The following KRTAP19-7 variants were observed in gnomAD, a reference collection of about 807,000 sequenced individuals.
The protein encoded by KRTAP19-7 is keratin associated protein 19-7.
For missense variants in KRTAP19-7, 76 were observed against 78.5 expected, an observed-to-expected ratio of 0.97 and a Z score of 0.12; for synonymous variants, 38 against 31.6, an observed-to-expected ratio of 1.20 and a Z score of -0.67.
chr21:30,561,119 G>C, the KRTAP19-7 span: 1 of 1,614,072 alleles, frequency 6.2e-7, no homozygotes, highest in Non-Finnish European at 8.5e-7. Flanking sequence ...CAGAAGACCA[G>C]TATCCCCCAT....
Position 30,560,894 on chromosome 21 carries a change from C to T in KRTAP19-7, c.*204G>A. On this transcript the variant is annotated 3_prime_UTR_variant, in exon 1 of 1. Transcript: ENST00000334849. ...TCTTTCTTAGAGTATAATGGCTCTC[C>T]AGCCAATAAAAAAGTGAATATCTGG... 1 of 569,180 alleles carries T rather than the reference C, an allele frequency of 1.8e-6. No individual in the cohort carries two copies. Among genetic ancestry groups the T allele is most frequent in the South Asian group, 2.2e-5 (1 of 45,882 alleles). The allele number at this position is 569,180 out of a possible 1,614,324, so 35.3% of individuals were successfully genotyped here. A position where few individuals can be genotyped will look rare whatever the true frequency, so the allele number is the denominator to read the frequency against.
In KRTAP19-7 at chr21:30,560,906, A is replaced by G. The variant is rs1220059660; in HGVS notation, c.*192T>C. 1 of 593,756 alleles carries G rather than the reference A, an allele frequency of 1.7e-6. No homozygotes were observed. The highest frequency in any genetic ancestry group is 2.9e-5 in the East Asian group (1 of 34,808). 36.8% of individuals were successfully genotyped at this position (593,756 alleles called of 1,614,324 possible). A position where few individuals can be genotyped will look rare whatever the true frequency, so the allele number is the denominator to read the frequency against. On this transcript the variant is annotated 3_prime_UTR_variant, in exon 1 of 1. Transcript: ENST00000334849. ...TATAATGGCTCTCCAGCCAATAAAA[A>G]AGTGAATATCTGGAGAACATCACTA...
the KRTAP19-7 span, chr21:30,561,275 GC>G: frequency 1.9e-6 from 3 of 1,613,982 alleles, no homozygotes; most frequent in East Asian, 6.7e-5. Context: ...CATAGTAGCT[GC>G]CGGAGTAGCT....
chr21:30,561,290 G>T lies in KRTAP19-7; in HGVS notation c.-1C>A. ...CATAGTAGCTGCCGGAGTAGCTCATGTTGTCAGAAGTGGTTAGCTGTTGTA... is the reference window on the plus strand; with the variant it reads ...CATAGTAGCTGCCGGAGTAGCTCATTTTGTCAGAAGTGGTTAGCTGTTGTA... On this transcript the variant is annotated 5_prime_UTR_variant, in exon 1 of 1. Transcript: ENST00000334849. The T allele has an allele frequency of 6.2e-7, 1 of 1,613,790 alleles. No homozygotes were observed.
Position 30,561,250 on chromosome 21 carries a change from C to A in KRTAP19-7, c.40G>T (p.Gly14Cys). 1 of 1,614,098 alleles carries A rather than the reference C, an allele frequency of 6.2e-7. No homozygotes were observed. Among genetic ancestry groups the A allele is most frequent in the South Asian group, 1.1e-5 (1 of 91,078 alleles). ...CCCAGGCCACCGAATCCTCCACAGCCGTAGCCTAGGCCTCCATAGTAGCTG... is the reference window on the plus strand; with the variant it reads ...CCCAGGCCACCGAATCCTCCACAGCAGTAGCCTAGGCCTCCATAGTAGCTG... ...SGSYYGGLGY[G>C]CGGFGGLGYG... is the part of the protein sequence containing the mutation. Residue 14 changes from glycine to cysteine, a missense_variant, in exon 1 of 1, where the codon GGC (glycine) becomes TGC (cysteine). Gly to Cys is a radical substitution (Grantham distance 159). Coordinates refer to ENST00000334849, the MANE Select transcript of KRTAP19-7 (RefSeq NM_181614.3).
At position 30,561,073 on chromosome 21, in the gene KRTAP19-7, A is replaced by G. The variant is rs755667965; in HGVS notation, c.*25T>C. On this transcript the variant is annotated 3_prime_UTR_variant, in exon 1 of 1. Coordinates refer to ENST00000334849, the MANE Select transcript of KRTAP19-7 (RefSeq NM_181614.3). ...TTCTTGGAAGAATTGGGAATCTCAC[A>G]GAAGACTATATTTCAAGTATTTATT... 6.2e-6 allele frequency: 10 copies of G among 1,607,970 alleles called. No individual in the cohort carries two copies. The highest frequency in any genetic ancestry group is 1.7e-4 in the Middle Eastern group (1 of 5,870).
In KRTAP19-7 at chr21:30,561,029, T is replaced by C; in HGVS notation, c.*69A>G. On this transcript the variant is annotated 3_prime_UTR_variant, in exon 1 of 1. Coordinates refer to ENST00000334849, the MANE Select transcript of KRTAP19-7 (RefSeq NM_181614.3). ...TTTTGTTATGGAATATGGAATTCCA[T>C]ATGGTTATGGAATAAAGTTTCTTGG... The C allele has an allele frequency of 6.6e-7, 1 of 1,504,052 alleles. No homozygotes were observed. The highest frequency in any genetic ancestry group is 1.8e-5 in the Admixed American group (1 of 55,566). The allele number at this position is 1,504,052 out of a possible 1,614,324, so 93.2% of individuals were successfully genotyped here. A position where few individuals can be genotyped will look rare whatever the true frequency, so the allele number is the denominator to read the frequency against.
Position 30,561,168 on chromosome 21 carries a change from T to G in KRTAP19-7, c.122A>C (p.Tyr41Ser), listed in dbSNP as rs147603846. ...SFRRLGYGCGYGGYRYSCCHP... is the reference protein window; with the variant it reads ...SFRRLGYGCGSGGYRYSCCHP... ...GCAGCAGCTGTATCTGTAGCCTCCA[T>G]AGCCACAGCCATAGCCCAGTCTGCG... Residue 41 changes from tyrosine (Y) to serine (S), a missense_variant, in exon 1 of 1, where the codon TAT (tyrosine) becomes TCT (serine). Transcript: ENST00000334849. The G allele has an allele frequency of 6.0e-5, 97 of 1,614,098 alleles. No homozygotes were observed. The African/African-American group carries it at 1.1e-3, about 18-fold the overall frequency.
In KRTAP19-7 at chr21:30,561,132, C is replaced by T. The variant is rs148576261; in HGVS notation, c.158G>A (p.Cys53Tyr). Residue 53 changes from cysteine to tyrosine, a missense_variant, in exon 1 of 1, where the codon TGC (cysteine) becomes TAC (tyrosine). Coordinates refer to ENST00000334849, the MANE Select transcript of KRTAP19-7 (RefSeq NM_181614.3). ...GYRYSCCHPS[C>Y]YGGYWSSGFY ...TCCAGAAGACCAGTATCCCCCATAG[C>T]ATGATGGGTGGCAGCAGCTGTATCT... 1,382 of 1,614,144 alleles carry T rather than the reference C, an allele frequency of 8.6e-4. 21 individuals carry two copies. The East Asian group carries it at 0.024, about 28-fold the overall frequency.
chr21:30,561,004 T>G lies in KRTAP19-7; in HGVS notation c.*94A>C. 2.3e-6 allele frequency: 3 copies of G among 1,294,994 alleles called. No homozygotes were observed. The highest frequency in any genetic ancestry group is 2.2e-6 in the Non-Finnish European group (2 of 914,258). The allele number at this position is 1,294,994 out of a possible 1,614,324, so 80.2% of individuals were successfully genotyped here. On this transcript the variant is annotated 3_prime_UTR_variant, in exon 1 of 1. Transcript: ENST00000334849. ...AAAAGGCAGGTGATCCAAGCAGCTG[T>G]TTTGTTATGGAATATGGAATTCCAT...
Position 30,561,026 on chromosome 21 carries a change from C to T in KRTAP19-7, c.*72G>A. The T allele has an allele frequency of 6.7e-7, 1 of 1,490,486 alleles. No homozygotes were observed. The highest frequency in any genetic ancestry group is 9.3e-7 in the Non-Finnish European group (1 of 1,076,918). The allele number at this position is 1,490,486 out of a possible 1,614,324, so 92.3% of individuals were successfully genotyped here. On this transcript the variant is annotated 3_prime_UTR_variant, in exon 1 of 1. Coordinates refer to ENST00000334849, the MANE Select transcript of KRTAP19-7 (RefSeq NM_181614.3). Reference sequence around the variant, plus strand: ...CTGTTTTGTTATGGAATATGGAATTCCATATGGTTATGGAATAAAGTTTCT... The same window carrying T: ...CTGTTTTGTTATGGAATATGGAATTTCATATGGTTATGGAATAAAGTTTCT...
At position 30,561,006 on chromosome 21, in the gene KRTAP19-7, T is replaced by A; in HGVS notation, c.*92A>T. On this transcript the variant is annotated 3_prime_UTR_variant, in exon 1 of 1. Transcript: ENST00000334849. ...AAGGCAGGTGATCCAAGCAGCTGTT[T>A]TGTTATGGAATATGGAATTCCATAT... 1 of 1,313,896 alleles carries A rather than the reference T, an allele frequency of 7.6e-7. No individual in the cohort carries two copies. The highest frequency in any genetic ancestry group is 1.1e-6 in the Non-Finnish European group (1 of 930,394). The allele number at this position is 1,313,896 out of a possible 1,614,324, so 81.4% of individuals were successfully genotyped here.
Position 30,560,923 on chromosome 21 carries a change from A to C in KRTAP19-7, c.*175T>G. ...CAATAAAAAAGTGAATATCTGGAGA[A>C]CATCACTAATCAAATGCCAATATCT... is the stretch of plus-strand genomic sequence containing the variant. On this transcript the variant is annotated 3_prime_UTR_variant, in exon 1 of 1. Transcript: ENST00000334849. 1.6e-6 allele frequency: 1 copy of C among 632,498 alleles called. No individual in the cohort carries two copies. The highest frequency in any genetic ancestry group is 2.9e-5 in the Admixed American group (1 of 34,346). 39.2% of individuals were successfully genotyped at this position (632,498 alleles called of 1,614,324 possible). A position where few individuals can be genotyped will look rare whatever the true frequency, so the allele number is the denominator to read the frequency against.
rs1979256051 is a variant in KRTAP19-7 at position 30,561,031 on chromosome 21, T to G, written c.*67A>C. Reference sequence around the variant, plus strand: ...TTGTTATGGAATATGGAATTCCATATGGTTATGGAATAAAGTTTCTTGGAA... The same window carrying G: ...TTGTTATGGAATATGGAATTCCATAGGGTTATGGAATAAAGTTTCTTGGAA... On this transcript the variant is annotated 3_prime_UTR_variant, in exon 1 of 1. Transcript: ENST00000334849. 6.8e-7 allele frequency: 1 copy of G among 1,471,972 alleles called. No individual in the cohort carries two copies. The allele number at this position is 1,471,972 out of a possible 1,614,324, so 91.2% of individuals were successfully genotyped here.
rs1330889214 is a variant in KRTAP19-7, at chr21:30,561,065, A to C, written c.*33T>G. On this transcript the variant is annotated 3_prime_UTR_variant, in exon 1 of 1. Transcript: ENST00000334849. ...AATAAAGTTTCTTGGAAGAATTGGGAATCTCACAGAAGACTATATTTCAAG... is the reference window on the plus strand; with the variant it reads ...AATAAAGTTTCTTGGAAGAATTGGGCATCTCACAGAAGACTATATTTCAAG... 3.8e-6 allele frequency: 6 copies of C among 1,599,464 alleles called. No individual in the cohort carries two copies. The highest frequency in any genetic ancestry group is 5.1e-6 in the Non-Finnish European group (6 of 1,169,102).
rs1979255328 is a variant in KRTAP19-7, at chr21:30,561,003, G to T, written c.*95C>A. On this transcript the variant is annotated 3_prime_UTR_variant, in exon 1 of 1. Coordinates refer to ENST00000334849, the MANE Select transcript of KRTAP19-7 (RefSeq NM_181614.3). ...CAAAAGGCAGGTGATCCAAGCAGCT[G>T]TTTTGTTATGGAATATGGAATTCCA... 2 of 1,292,750 alleles carry T rather than the reference G, an allele frequency of 1.5e-6. No homozygotes were observed. Among genetic ancestry groups the T allele is most frequent in the Non-Finnish European group, 1.1e-6 (1 of 911,532 alleles). 80.1% of individuals were successfully genotyped at this position (1,292,750 alleles called of 1,614,324 possible).
chr21:30,561,114 G>T lies in KRTAP19-7; in HGVS notation c.176C>A (p.Ser59Tyr). The T allele has an allele frequency of 6.2e-7, 1 of 1,614,004 alleles. No individual in the cohort carries two copies. Among genetic ancestry groups the T allele is most frequent in the Non-Finnish European group, 8.5e-7 (1 of 1,179,898 alleles). ...AGTATTTATTCAATAGAATCCAGAA[G>T]ACCAGTATCCCCCATAGCATGATGG... Reference protein sequence around the residue: ...CHPSCYGGYWSSGFY With the variant: ...CHPSCYGGYWYSGFY The change falls in exon 1 of 1, where the codon TCT becomes TAT. Residue 59 changes from serine to tyrosine, a missense_variant. Transcript: ENST00000334849.
Position 30,560,921 on chromosome 21 carries a change from G to T in KRTAP19-7, c.*177C>A. 1 of 628,696 alleles carries T rather than the reference G, an allele frequency of 1.6e-6. No homozygotes were observed. The highest frequency in any genetic ancestry group is 2.7e-5 in the East Asian group (1 of 36,566). 38.9% of individuals were successfully genotyped at this position (628,696 alleles called of 1,614,324 possible). ...GCCAATAAAAAAGTGAATATCTGGA[G>T]AACATCACTAATCAAATGCCAATAT... On this transcript the variant is annotated 3_prime_UTR_variant, in exon 1 of 1. Coordinates refer to ENST00000334849, the MANE Select transcript of KRTAP19-7 (RefSeq NM_181614.3).
rs1324857556 is a variant in KRTAP19-7, at chr21:30,561,053, G to A, written c.*45C>T. ...ATATGGTTATGGAATAAAGTTTCTT[G>A]GAAGAATTGGGAATCTCACAGAAGA... On this transcript the variant is annotated 3_prime_UTR_variant, in exon 1 of 1. Transcript: ENST00000334849. 1.9e-6 allele frequency: 3 copies of A among 1,580,300 alleles called. No individual in the cohort carries two copies. Among genetic ancestry groups the A allele is most frequent in the Non-Finnish European group, 2.6e-6 (3 of 1,152,856 alleles).
Sources: allele counts gnomAD v4.1 joint callset, GRCh38; gene constraint gnomAD v4.1.1; transcripts MANE v1.5; gene names NCBI Gene and HGNC (gene_info 2026-07-23, HGNC 2026-07-21).